FMNL2: variants seen among roughly 807,000 people sequenced by gnomAD.
FMNL2 encodes formin like 2, also known as formin-like protein 2.
FMNL2 carries 51 observed loss-of-function variants against 130.2 expected under a neutral mutation model. The observed-to-expected ratio is 0.39, with a 90% CI of 0.31 to 0.49. FMNL2 has a LOEUF of 0.49. FMNL2 is among the 20% of genes least tolerant of loss of function. The pLI, the probability that FMNL2 is intolerant of heterozygous loss-of-function variation, is 0.85. For missense variants in FMNL2, 977 were observed against 1,316.2 expected (o/e 0.74, Z 3.99); for synonymous variants, 465 against 467.1 (o/e 1.00, Z 0.06).
intron 6 of FMNL2, among the ~76,000 whole-genome samples, chr2:152,563,191 T>C (rs1695630600): frequency 1.3e-5 from 2 of 152,172 alleles, no homozygotes; most frequent in South Asian, 2.1e-4. Context: ...AGCATGCAGA[T>C]AGGGAAATTG....
chr2:152,442,362 C>T (rs1228853579), intron 1 of FMNL2, among the ~76,000 whole-genome samples: 2 of 151,830 alleles, frequency 1.3e-5, no homozygotes, highest in Non-Finnish European at 2.9e-5. Flanking sequence ...AGTGATTCTC[C>T]TGCCTCAACC....
At chr2:152,389,712 CA>C (rs896626470) in intron 1 of FMNL2, among the ~76,000 whole-genome samples, 9 of 152,332 alleles carry the variant, frequency 5.9e-5, no homozygotes, top group Admixed American at 3.3e-4. Flanking sequence ...GGTTCGATGG[CA>C]TGTTGCTGGC....
chr2:152,390,294 G>A lies in FMNL2; in HGVS notation c.117+54574G>A, dbSNP rs571915760. 6 of 1,315,234 alleles carry A rather than the reference G, an allele frequency of 4.6e-6. No individual in the cohort carries two copies. In the African/African-American group the frequency reaches 7.2e-5, roughly 16 times the overall value. The allele number at this position is 1,315,234 out of a possible 1,614,324, so 81.5% of individuals were successfully genotyped here. On this transcript the variant is annotated intron_variant, in intron 1 of 25. Transcript: ENST00000288670. ...GCTCAAGGGGCAGCCAGCAATCATC[G>A]ATGGGGAGCTCTACAACGAAGTGAA...
At chr2:152,348,873 GC>G (rs1215699373) in intron 1 of FMNL2, among the ~76,000 whole-genome samples, 1 of 101,828 alleles carries the variant, frequency 9.8e-6, no homozygotes, top group African/African-American at 4.2e-5. Flanking sequence ...TGTCGCCCAG[GC>G]CGGACTGTGG....
chr2:152,499,765 A>T (rs567521162), intron 1 of FMNL2, among the ~76,000 whole-genome samples: 2 of 152,350 alleles, frequency 1.3e-5, no homozygotes, highest in South Asian at 4.1e-4. Flanking sequence ...TCTGTGGCAC[A>T]AGCCTAGAAT....
chr2:152,486,856 G>A (rs192667620), intron 1 of FMNL2, among the ~76,000 whole-genome samples: 11 of 152,280 alleles, frequency 7.2e-5, no homozygotes, highest in Admixed American at 1.3e-4. Context: ...TGTTAGTTAC[G>A]TAATCCTACT....
At chr2:152,642,485 G>T (rs144963629) in intron 25 of FMNL2, among the ~76,000 whole-genome samples, 20 of 152,336 alleles carry the variant, frequency 1.3e-4, no homozygotes, top group African/African-American at 4.8e-4. Flanking sequence ...CACACACTCT[G>T]CACAAATGTG....
intron 1 of FMNL2, among the ~76,000 whole-genome samples, chr2:152,481,619 C>CACAGCTACAGCT (rs1187992564): frequency 6.6e-6 from 1 of 152,092 alleles, no homozygotes; most frequent in Non-Finnish European, 1.5e-5. Context: ...AATTGACAGC[C>CACAGCTACAGCT]ACAGCTACAG....
In FMNL2 at chr2:152,400,159, G is replaced by A. The variant is rs569295806; in HGVS notation, c.117+64439G>A. On this transcript the variant is annotated intron_variant, in intron 1 of 25. Coordinates refer to ENST00000288670, the MANE Select transcript of FMNL2 (RefSeq NM_052905.4). ...TTGAAAAACAAAGAATGGGCCGGGCGCAGTGGCTCATGCCTGTGGTCCCAG... is the reference window on the plus strand; with the variant it reads ...TTGAAAAACAAAGAATGGGCCGGGCACAGTGGCTCATGCCTGTGGTCCCAG... Among the ~76,000 whole-genome samples the A allele has an allele frequency of 2.6e-5, 4 of 152,344 alleles. 1 individual carries two copies. The South Asian group carries it at 8.3e-4, about 32-fold the overall frequency.
chr2:152,637,514 A>G (rs1682722107), intron 22 of FMNL2, 59 bp from the exon 23 acceptor site: 2 of 1,353,554 alleles, frequency 1.5e-6, no homozygotes, highest in African/African-American at 1.4e-5. Context: ...CGTTCCCCCT[A>G]GAGCATCCAG....
chr2:152,477,086 T>C (rs1690195887), intron 1 of FMNL2, among the ~76,000 whole-genome samples: 1 of 152,182 alleles, frequency 6.6e-6, no homozygotes, highest in African/African-American at 2.4e-5. Flanking sequence ...AGTATGGGAA[T>C]CTTAACTTTA....
intron 1 of FMNL2, among the ~76,000 whole-genome samples, chr2:152,422,576 G>C (rs1341990359): frequency 1.3e-5 from 2 of 152,286 alleles, no homozygotes; most frequent in Admixed American, 1.3e-4. Context: ...CCAAGCTGAA[G>C]TGTAATGACA....
intron 1 of FMNL2, among the ~76,000 whole-genome samples, chr2:152,373,254 A>G (rs1261839997): frequency 1.3e-5 from 2 of 152,194 alleles, no homozygotes; most frequent in Non-Finnish European, 2.9e-5. Context: ...GTTTTTTAAA[A>G]TAAGTTTTTT....
chr2:152,527,169 C>T (rs1420793780), intron 2 of FMNL2, among the ~76,000 whole-genome samples: 1 of 152,122 alleles, frequency 6.6e-6, no homozygotes, highest in Non-Finnish European at 1.5e-5. Context: ...CCTGAGTTTC[C>T]TGTTAACTAG....
intron 20 of FMNL2, among the ~76,000 whole-genome samples, chr2:152,631,391 T>TAA (rs1419414804): frequency 6.3e-4 from 16 of 25,278 alleles, no homozygotes; most frequent in Admixed American, 1.4e-3. Context: ...AGACTCCATC[T>TAA]CAAAAAAAAA....
In FMNL2 at chr2:152,619,595, C is replaced by G. The variant is rs1428860794; in HGVS notation, c.1714C>G (p.Pro572Ala). 1 of 1,587,698 alleles carries G rather than the reference C, an allele frequency of 6.3e-7. No individual in the cohort carries two copies. Among genetic ancestry groups the G allele is most frequent in the South Asian group, 1.2e-5 (1 of 86,590 alleles). The change falls in exon 15 of 26, where the codon CCT becomes GCT. Residue 572 changes from proline (P) to alanine (A), a missense_variant. By Grantham distance (27) the Pro-to-Ala change is conservative. Transcript: ENST00000288670. Reference protein sequence around the residue: ...PPPPPPPPPPPPLPGPAAETV... With the variant: ...PPPPPPPPPPAPLPGPAAETV... ...TCCTCCCCCACCGCCCCCTCCGCCTCCTCCTCTCCCAGGCCCTGCAGCTGA... is the reference window on the plus strand; with the variant it reads ...TCCTCCCCCACCGCCCCCTCCGCCTGCTCCTCTCCCAGGCCCTGCAGCTGA...
At chr2:152,366,958 C>T (rs1326075182) in intron 1 of FMNL2, among the ~76,000 whole-genome samples, 2 of 152,074 alleles carry the variant, frequency 1.3e-5, no homozygotes, top group Non-Finnish European at 2.9e-5. Context: ...GTATTCCAGC[C>T]AGGGCAGCAG....
At chr2:152,390,864 G>C (rs751276195) in intron 1 of FMNL2, among the ~76,000 whole-genome samples, 5 of 152,128 alleles carry the variant, frequency 3.3e-5, no homozygotes, top group Non-Finnish European at 7.3e-5. Context: ...ACAGAAATAA[G>C]TACTGATTTA....
intron 14 of FMNL2, 147 bp downstream of exon 14, chr2:152,619,305 T>A: frequency 1.5e-6 from 2 of 1,300,614 alleles, no homozygotes; most frequent in Non-Finnish European, 2.1e-6. Flanking sequence ...CTGTTTACAT[T>A]TTGAGATTAA....
Sources: allele counts gnomAD v4.1 joint callset (sites outside exome capture counted in the v4.1 genomes callset), GRCh38; gene constraint gnomAD v4.1.1; transcripts MANE v1.5; gene names NCBI Gene and HGNC (gene_info 2026-07-23, HGNC 2026-07-21).